Variants in DNM2 observed in about 807,000 individuals in gnomAD.
The protein encoded by DNM2 is dynamin 2.
Under a neutral mutation model 99.0 loss-of-function variants are expected in DNM2, and 15 were observed. That is an observed-to-expected ratio of 0.15 (90% CI 0.10 to 0.23). The LOEUF (loss-of-function observed/expected upper bound fraction) is 0.23. Among genes scored for constraint, DNM2 ranks in the 10% least tolerant of loss-of-function variants. The pLI is 1.00. For missense variants in DNM2, 742 were observed against 1,189.4 expected, an observed-to-expected ratio of 0.62 and a Z score of 5.53; for synonymous variants, 525 against 481.2, an observed-to-expected ratio of 1.09 and a Z score of -1.19.
rs377512949 is a variant in DNM2, at chr19:10,786,721, A to T, written c.992+15A>T. The T allele has an allele frequency of 6.2e-7, 1 of 1,613,596 alleles. No individual in the cohort carries two copies. The stretch of plus-strand genomic sequence containing the variant: ...GCCCTGCTGCAGTATGTACCCCGGC[A>T]CCCACCACCACCACCACCCTGGCCC... On this transcript the variant is annotated intron_variant, in intron 7 of 20. Coordinates refer to ENST00000389253, the MANE Select transcript of DNM2 (RefSeq NM_001005361.3).
In DNM2 at chr19:10,811,725, C is replaced by T. The variant is rs749431821; in HGVS notation, c.1558-539C>T. 9 of 518,482 alleles carry T rather than the reference C, an allele frequency of 1.7e-5. No individual in the cohort carries two copies. Among genetic ancestry groups the T allele is most frequent in the Non-Finnish European group, 3.5e-5 (9 of 259,774 alleles). The allele number at this position is 518,482 out of a possible 1,614,324, so 32.1% of individuals were successfully genotyped here. On this transcript the variant is annotated intron_variant, in intron 14 of 20. Coordinates refer to ENST00000389253, the MANE Select transcript of DNM2 (RefSeq NM_001005361.3). The surrounding 1 kb of genome is among the most constrained non-coding windows in gnomAD (Gnocchi z 5.4). ...CCCACGCAGATGACAGCTACAGCCA[C>T]ACAATCCCCATCCATGGGGTCTCCC...
At chr19:10,740,667 G>A (rs558392820) in intron 1 of DNM2, among the ~76,000 whole-genome samples, 56 of 152,298 alleles carry the variant, frequency 3.7e-4, no homozygotes, top group East Asian at 5.8e-4. Flanking sequence ...GTAAGCCACC[G>A]CGCCCGGCCA....
At position 10,793,809 on chromosome 19, in the gene DNM2, G is replaced by A; in HGVS notation, c.1082G>A (p.Arg361Gln). 1 of 1,614,160 alleles carries A rather than the reference G, an allele frequency of 6.2e-7. No homozygotes were observed. The highest frequency in any genetic ancestry group is 8.5e-7 in the Non-Finnish European group (1 of 1,180,024). Residue 361 changes from arginine (R) to glutamine (Q), a missense_variant, in exon 8 of 21, where the codon CGA (arginine) becomes CAA (glutamine). Transcript: ENST00000389253. ...VDTLELSGGA[R>Q]INRIFHERFP... Reference sequence around the variant, plus strand: ...ACTCTGGAGCTCTCCGGGGGCGCCCGAATCAATCGCATCTTCCACGAGCGG... The same window carrying A: ...ACTCTGGAGCTCTCCGGGGGCGCCCAAATCAATCGCATCTTCCACGAGCGG...
At chr19:10,810,840 G>C (rs1195792980) in intron 14 of DNM2, 1 of 152,982 alleles carries the variant, frequency 6.5e-6, no homozygotes, top group Admixed American at 6.5e-5. Flanking sequence ...CCCCCACCCC[G>C]CTCCCCCCGG....
intron 12 of DNM2, among the ~76,000 whole-genome samples, chr19:10,803,390 C>G (rs2072223693): frequency 6.6e-6 from 1 of 152,194 alleles, no homozygotes. Context: ...CAGAACCCCT[C>G]CTAGAGATGA....
chr19:10,745,157 G>A (rs536892419), intron 1 of DNM2, among the ~76,000 whole-genome samples: 169 of 152,294 alleles, frequency 1.1e-3, no homozygotes, highest in African/African-American at 4.0e-3. Context: ...AAAACCCGAA[G>A]TGGAGGACAT....
At chr19:10,785,880 G>A (rs917282114) in intron 6 of DNM2, among the ~76,000 whole-genome samples, 1 of 149,552 alleles carries the variant, frequency 6.7e-6, no homozygotes, top group Non-Finnish European at 1.5e-5. Context: ...GTGTGATCTC[G>A]GCCCACTGCA....
At chr19:10,743,525 G>A (rs937639257) in intron 1 of DNM2, among the ~76,000 whole-genome samples, 5 of 151,640 alleles carry the variant, frequency 3.3e-5, no homozygotes, top group African/African-American at 9.7e-5. Flanking sequence ...AATTAGCCAG[G>A]TGTGGCTGGG....
In DNM2 at chr19:10,831,261, C is replaced by A; in HGVS notation, c.*214C>A. ...GGGCCCTGGAGCTCCAGGCAGGGGG[C>A]GCTGGGGTGTTGCACTTTGGGGGAT... On this transcript the variant is annotated 3_prime_UTR_variant, in exon 21 of 21. Coordinates refer to ENST00000389253, the MANE Select transcript of DNM2 (RefSeq NM_001005361.3). This position sits in a 1 kb window ranked among gnomAD's most constrained non-coding sequence, Gnocchi z 4.3. 1 of 1,315,398 alleles carries A rather than the reference C, an allele frequency of 7.6e-7. No homozygotes were observed. The highest frequency in any genetic ancestry group is 9.7e-7 in the Non-Finnish European group (1 of 1,035,894). 81.5% of individuals were successfully genotyped at this position (1,315,398 alleles called of 1,614,324 possible). A position where few individuals can be genotyped will look rare whatever the true frequency, so the allele number is the denominator to read the frequency against.
At chr19:10,725,169 C>T (rs1315485536) in intron 1 of DNM2, among the ~76,000 whole-genome samples, 5 of 152,168 alleles carry the variant, frequency 3.3e-5, no homozygotes, top group African/African-American at 9.6e-5. Context: ...CATACATGGC[C>T]GGGCATGGTG....
At chr19:10,719,052 T>C (rs376089477) in intron 1 of DNM2, among the ~76,000 whole-genome samples, 1 of 152,302 alleles carries the variant, frequency 6.6e-6, no homozygotes, top group African/African-American at 2.4e-5. Flanking sequence ...CTCTACTGTC[T>C]GACTGGCTAG....
Position 10,820,005 on chromosome 19 carries a change from C to T in DNM2, c.1697C>T (p.Pro566Leu). ...EEEKEKKYML[P>L]LDNLKIRDVE... Reference sequence around the variant, plus strand: ...GAGAAAGAGAAGAAGTACATGCTGCCTCTGGACAACCTCAAGATCCGTGAT... The same window carrying T: ...GAGAAAGAGAAGAAGTACATGCTGCTTCTGGACAACCTCAAGATCCGTGAT... The change falls in exon 16 of 21, where the codon CCT becomes CTT. Residue 566 changes from proline to leucine, a missense_variant. This residue lies in a region of DNM2 where 240 missense variants were observed against 431.3 expected (regional missense o/e 0.56). Coordinates refer to ENST00000389253, the MANE Select transcript of DNM2 (RefSeq NM_001005361.3). This position sits in a 1 kb window ranked among gnomAD's most constrained non-coding sequence, Gnocchi z 4.3. The T allele has an allele frequency of 6.2e-7, 1 of 1,614,186 alleles. No individual in the cohort carries two copies. The highest frequency in any genetic ancestry group is 8.5e-7 in the Non-Finnish European group (1 of 1,180,036).
chr19:10,759,087 G>A (rs528534973), intron 1 of DNM2, among the ~76,000 whole-genome samples: 2 of 152,296 alleles, frequency 1.3e-5, no homozygotes, highest in Non-Finnish European at 2.9e-5. Flanking sequence ...GATCACAGGC[G>A]TGGGCCACCA....
intron 5 of DNM2, among the ~76,000 whole-genome samples, chr19:10,777,589 T>C (rs921242025): frequency 2.0e-5 from 3 of 152,128 alleles, no homozygotes; most frequent in African/African-American, 4.8e-5. Context: ...CCCTTCCCTT[T>C]TCCTTTTCCT....
rs982841785 is a variant in DNM2, at chr19:10,732,380, C to G, written c.161+13977C>G. Among the ~76,000 whole-genome samples the G allele has an allele frequency of 2.5e-3, 377 of 148,994 alleles. 2 individuals are homozygous for G. The highest frequency in any genetic ancestry group is 0.014 in the Middle Eastern group (4 of 282). ...CTTTGGGAGGCCGAGGCGGGCGGAT[C>G]ACGAGGTCAGGAGATTGAGACCATC... On this transcript the variant is annotated intron_variant, in intron 1 of 20. Coordinates refer to ENST00000389253, the MANE Select transcript of DNM2 (RefSeq NM_001005361.3).
chr19:10,766,178 G>T (rs2070789831), intron 2 of DNM2, among the ~76,000 whole-genome samples: 1 of 152,212 alleles, frequency 6.6e-6, no homozygotes, highest in Non-Finnish European at 1.5e-5. Context: ...TGTCTTTTCT[G>T]TTGGGCTGAA....
intron 12 of DNM2, among the ~76,000 whole-genome samples, chr19:10,804,440 A>G (rs957100024): frequency 1.1e-4 from 17 of 152,052 alleles, no homozygotes; most frequent in Admixed American, 7.9e-4. Context: ...TGTAATCCCA[A>G]TACTTTGCAG....
intron 2 of DNM2, among the ~76,000 whole-genome samples, chr19:10,760,057 AGAGTCTCAC>A (rs2070565965): frequency 6.6e-6 from 1 of 151,980 alleles, no homozygotes; most frequent in South Asian, 2.1e-4. Flanking sequence ...TTTTTGAGAC[AGAGTCTCAC>A]TCTGTCACCC....
intron 5 of DNM2, 131 bp from the exon 6 acceptor site, chr19:10,782,829 T>TG: frequency 7.9e-7 from 1 of 1,271,874 alleles, no homozygotes; most frequent in Non-Finnish European, 1.1e-6. Context: ...TGTTTCTGAG[T>TG]AACATGTTAT....
Sources: allele counts gnomAD v4.1 joint callset (sites outside exome capture counted in the v4.1 genomes callset), GRCh38; gene constraint gnomAD v4.1.1; regional missense constraint gnomAD v4.1.1; non-coding constraint Gnocchi (gnomAD v3.1); transcripts MANE v1.5; gene names NCBI Gene and HGNC (gene_info 2026-07-23, HGNC 2026-07-21).